CADPS: variants seen among roughly 807,000 people sequenced by gnomAD.
The protein encoded by CADPS is calcium-dependent secretion activator 1.
In CADPS, 57 loss-of-function variants were observed where a neutral mutation model predicts 167.3. The observed-to-expected ratio is 0.34, with a 90% CI of 0.28 to 0.42. The LOEUF (loss-of-function observed/expected upper bound fraction) is 0.42, where lower values mean the gene tolerates loss of function less well. Among genes scored for constraint, CADPS ranks in the 20% least tolerant of loss-of-function variants. The probability of loss-of-function intolerance (pLI) is 1.00; values close to 1 mark genes in which losing one functional copy is unlikely to be tolerated. For missense variants in CADPS, 1,414 were observed against 1,738.1 expected (o/e 0.81, Z 3.32); for synonymous variants, 676 against 635.3 (o/e 1.06, Z -0.96).
chr3:62,840,995 C>G (rs956391022), intron 1 of CADPS, among the ~76,000 whole-genome samples: 37 of 152,132 alleles, frequency 2.4e-4, no homozygotes, highest in African/African-American at 8.7e-4. Context: ...AAAAATCAGA[C>G]AGTTCTTGTA....
chr3:62,482,447 T>C (rs1015286550), intron 21 of CADPS, among the ~76,000 whole-genome samples: 6 of 152,184 alleles, frequency 3.9e-5, no homozygotes, highest in African/African-American at 1.4e-4. Context: ...GTATGGGCAA[T>C]GGCATGTCAG....
At chr3:62,738,981 C>A (rs1267300623) in intron 3 of CADPS, among the ~76,000 whole-genome samples, 1 of 152,108 alleles carries the variant, frequency 6.6e-6, no homozygotes. Context: ...ATGGTAGATT[C>A]AAAAGTGGCC....
rs1184029755 is a variant in CADPS, at chr3:62,851,403, C to T, written c.441+23186G>A. ...GTTACATTTTGGCATGATTTTGCAG[C>T]GGCTGGTACTGGTTGTTCCTTTCCA... On this transcript the variant is annotated intron_variant, in intron 1 of 29. Coordinates refer to ENST00000383710, the MANE Select transcript of CADPS (RefSeq NM_003716.4). Among the ~76,000 whole-genome samples, 141 of 136,282 alleles carry T rather than the reference C, an allele frequency of 1.0e-3. 1 individual carries two copies. Among genetic ancestry groups the T allele is most frequent in the South Asian group, 1.6e-3 (6 of 3,644 alleles). The allele number at this position is 136,282 out of a possible 152,430, so 89.4% of individuals were successfully genotyped here.
intron 1 of CADPS, among the ~76,000 whole-genome samples, chr3:62,770,373 G>C (rs924930555): frequency 1.3e-5 from 2 of 152,126 alleles, no homozygotes; most frequent in African/African-American, 4.8e-5. Context: ...ATTATAACAT[G>C]TACCCAGAAA....
At chr3:62,646,420 C>A (rs940638047) in intron 5 of CADPS, among the ~76,000 whole-genome samples, 1 of 152,054 alleles carries the variant, frequency 6.6e-6, no homozygotes, top group African/African-American at 2.4e-5. Flanking sequence ...ACTACGCCCG[C>A]CTCAGCCTCC....
intron 1 of CADPS, among the ~76,000 whole-genome samples, chr3:62,808,116 G>A (rs1447518576): frequency 5.5e-5 from 8 of 144,852 alleles, no homozygotes; most frequent in Admixed American, 2.8e-4. Context: ...CTCATGATCC[G>A]CCAGCCTCAG....
intron 1 of CADPS, among the ~76,000 whole-genome samples, chr3:62,791,924 T>C (rs1478402760): frequency 6.6e-6 from 1 of 152,130 alleles, no homozygotes; most frequent in Non-Finnish European, 1.5e-5. Context: ...ACCCAATAAA[T>C]TGTCATTTTG....
At chr3:62,579,981 T>G (rs1371622486) in intron 8 of CADPS, among the ~76,000 whole-genome samples, 1 of 152,028 alleles carries the variant, frequency 6.6e-6, no homozygotes, top group Non-Finnish European at 1.5e-5. Context: ...AGATTTATCT[T>G]GAAGATGGAG....
chr3:62,629,173 T>G (rs1253744566), intron 6 of CADPS, among the ~76,000 whole-genome samples: 5 of 152,142 alleles, frequency 3.3e-5, no homozygotes, highest in Non-Finnish European at 7.4e-5. Flanking sequence ...AGTGTATAAT[T>G]CAATGACTGT....
At chr3:62,651,816 C>T (rs1016450695) in intron 4 of CADPS, among the ~76,000 whole-genome samples, 2 of 152,180 alleles carry the variant, frequency 1.3e-5, no homozygotes, top group South Asian at 4.1e-4. Context: ...CAGTCATTTA[C>T]CACTTGAAAC....
intron 3 of CADPS, among the ~76,000 whole-genome samples, chr3:62,714,988 G>A (rs1580991495): frequency 6.6e-6 from 1 of 152,198 alleles, no homozygotes; most frequent in Non-Finnish European, 1.5e-5. Flanking sequence ...GATAGCAGAT[G>A]ATAAGAAATG....
intron 1 of CADPS, among the ~76,000 whole-genome samples, chr3:62,812,301 T>G (rs2094428209): frequency 6.6e-6 from 1 of 152,186 alleles, no homozygotes; most frequent in Non-Finnish European, 1.5e-5. Flanking sequence ...AAAATGCCAC[T>G]TTTTAAAAAG....
chr3:62,736,933 T>C (rs1488671113), intron 3 of CADPS, among the ~76,000 whole-genome samples: 2 of 151,802 alleles, frequency 1.3e-5, no homozygotes, highest in African/African-American at 4.8e-5. Context: ...GGTTAGGAGA[T>C]CAAGAGCAGC....
intron 1 of CADPS, among the ~76,000 whole-genome samples, chr3:62,789,815 C>T (rs945211876): frequency 1.2e-4 from 18 of 152,148 alleles, no homozygotes; most frequent in Admixed American, 9.2e-4. Flanking sequence ...TTATAATTAA[C>T]GTGTATCAAG....
At chr3:62,860,876 G>T (rs1261834085) in intron 1 of CADPS, among the ~76,000 whole-genome samples, 3 of 152,164 alleles carry the variant, frequency 2.0e-5, no homozygotes, top group African/African-American at 7.2e-5. Context: ...AGTGAGAAAG[G>T]GCAGGGAGCT....
chr3:62,637,538 G>A (rs1480626969), intron 6 of CADPS, among the ~76,000 whole-genome samples: 1 of 152,176 alleles, frequency 6.6e-6, no homozygotes, highest in Admixed American at 6.6e-5. Context: ...ACACTAATGT[G>A]GAACACCTGT....
chr3:62,819,111 G>A (rs2094769361), intron 1 of CADPS, among the ~76,000 whole-genome samples: 1 of 151,978 alleles, frequency 6.6e-6, no homozygotes. Context: ...AAAGAAGTGT[G>A]GGTTATGTGT....
chr3:62,415,289 G>C (rs577950331), intron 28 of CADPS, among the ~76,000 whole-genome samples: 1 of 152,092 alleles, frequency 6.6e-6, no homozygotes, highest in African/African-American at 2.4e-5. Context: ...TGGGGAGGGG[G>C]TTGGTGTCAT....
chr3:62,873,965 G>C (rs927658527), intron 1 of CADPS, among the ~76,000 whole-genome samples: 2 of 152,218 alleles, frequency 1.3e-5, no homozygotes, highest in African/African-American at 4.8e-5. Flanking sequence ...GGCGACGCTA[G>C]TCGGTGATCA....
Sources: gnomAD v4.1 joint callset for allele counts (sites outside exome capture counted in the v4.1 genomes callset) on GRCh38, gnomAD v4.1.1 for gene constraint, MANE v1.5 for transcripts, NCBI Gene and HGNC (gene_info 2026-07-23, HGNC 2026-07-21) for gene names.